The following TGS1 variants were observed in gnomAD, a reference collection of about 807,000 sequenced individuals.
TGS1 encodes trimethylguanosine synthase.
A neutral mutation model predicts 92.2 loss-of-function variants in TGS1; 69 were observed. That is an observed-to-expected ratio of 0.75 (90% CI 0.62 to 0.91). TGS1 has a LOEUF of 0.91. Among genes scored for constraint, TGS1 ranks in the 40% least tolerant of loss-of-function variants. The pLI is 0.00. For synonymous variants in TGS1, 345 were observed against 338.1 expected (o/e 1.02, Z -0.22); for missense variants, 1,062 against 1,001.2 (o/e 1.06, Z -0.82).
In TGS1 at chr8:55,782,747, G is replaced by A. The variant is rs752766496; in HGVS notation, c.102-1G>A. The A allele has an allele frequency of 6.2e-7, 1 of 1,609,024 alleles. No homozygotes were observed. On this transcript the variant is annotated splice_acceptor_variant, in intron 1 of 12. Transcript: ENST00000260129. LOFTEE classifies it high-confidence loss of function. ...TATGAACTGCTTAATCTGCTTCGCA[G>A]GGATCGAAAATTGTACAATTTGGGA...
intron 2 of TGS1, among the ~76,000 whole-genome samples, chr8:55,783,199 A>C (rs1382169947): frequency 1.3e-5 from 2 of 152,190 alleles, no homozygotes; most frequent in African/African-American, 4.8e-5. Context: ...CAAGCAGATC[A>C]CTTGAGGTCA....
rs527607576 is a variant in TGS1 at position 55,785,273 on chromosome 8, C to G, written c.167-446C>G. Among the ~76,000 whole-genome samples, 29 of 152,170 alleles carry G rather than the reference C, an allele frequency of 1.9e-4. No individual in the cohort carries two copies. The South Asian group carries it at 6.0e-3, about 32-fold the overall frequency. On this transcript the variant is annotated intron_variant, in intron 2 of 12. Coordinates refer to ENST00000260129, the MANE Select transcript of TGS1 (RefSeq NM_024831.8). Reference sequence around the variant, plus strand: ...TTTTCACCATGTTGGCCAGGCTGGTCTCAAACTCCTGACCTCAAGTGATCC... The same window carrying G: ...TTTTCACCATGTTGGCCAGGCTGGTGTCAAACTCCTGACCTCAAGTGATCC...
Position 55,785,818 on chromosome 8 carries a change from C to G in TGS1, c.266C>G (p.Ser89Cys), listed in dbSNP as rs1004887843. Residue 89 changes from serine (S) to cysteine (C), a missense_variant, in exon 3 of 13, where the codon TCT becomes TGT. Ser to Cys is a moderately radical substitution (Grantham distance 112, BLOSUM62 -1). Coordinates refer to ENST00000260129, the MANE Select transcript of TGS1 (RefSeq NM_024831.8). ...GIGLDESELD[S>C]EAELMRSMGL... ...GGCCTGGATGAAAGTGAACTTGATT[C>G]TGAGGCTGAACTCATGAGAAGTATG... 2.5e-6 allele frequency: 4 copies of G among 1,613,862 alleles called. No individual in the cohort carries two copies. Among genetic ancestry groups the G allele is most frequent in the African/African-American group, 2.7e-5 (2 of 74,908 alleles).
intron 10 of TGS1, among the ~76,000 whole-genome samples, chr8:55,808,602 G>T (rs920366295): frequency 6.6e-6 from 1 of 151,060 alleles, no homozygotes; most frequent in Admixed American, 6.6e-5. Context: ...TTCACCTCCT[G>T]GGTTCAAGTG....
chr8:55,779,297 A>G (rs1811489174), intron 1 of TGS1, among the ~76,000 whole-genome samples: 2 of 152,370 alleles, frequency 1.3e-5, no homozygotes, highest in South Asian at 2.1e-4. Flanking sequence ...AACAGTTTTC[A>G]TAAAAATATA....
rs148390407 is a variant in TGS1, at chr8:55,810,949, G to A, written c.2212G>A (p.Ala738Thr). 9.9e-6 allele frequency: 16 copies of A among 1,614,064 alleles called. No individual in the cohort carries two copies. The highest frequency in any genetic ancestry group is 1.4e-5 in the Non-Finnish European group (16 of 1,180,048). ...CAATAATGCAGAAGTTTATGGGATA[G>A]CAGATAAGATAGAGTTCATCTGTGG... is the stretch of plus-strand genomic sequence containing the variant. ...ARNNAEVYGI[A>T]DKIEFICGDF... The change falls in exon 11 of 13, where the codon GCA becomes ACA. Residue 738 changes from alanine to threonine, a missense_variant. Physicochemically the swap from Ala to Thr is moderately conservative, Grantham distance 58 (BLOSUM62 0). Transcript: ENST00000260129.
chr8:55,815,158 T>A (rs771867885), intron 12 of TGS1, among the ~76,000 whole-genome samples: 2 of 152,226 alleles, frequency 1.3e-5, no homozygotes, highest in Admixed American at 6.5e-5. Context: ...CTAGTTACAT[T>A]AACACTTTCA....
At chr8:55,811,669 G>A (rs1181849819) in intron 11 of TGS1, among the ~76,000 whole-genome samples, 2 of 151,974 alleles carry the variant, frequency 1.3e-5, no homozygotes, top group African/African-American at 4.8e-5. Flanking sequence ...GCTGAGGCAG[G>A]AGAATCGCTT....
At chr8:55,820,793 G>A (rs1487292485) in intron 12 of TGS1, among the ~76,000 whole-genome samples, 1 of 152,162 alleles carries the variant, frequency 6.6e-6, no homozygotes, top group Non-Finnish European at 1.5e-5. Context: ...AATGTGGAAA[G>A]TAATCCAGAG....
In TGS1 at chr8:55,799,044, A is replaced by G; in HGVS notation, c.1673A>G (p.Lys558Arg). The change falls in exon 8 of 13, where the codon AAA (lysine) becomes AGA (arginine). Residue 558 changes from lysine (K) to arginine (R), a missense_variant. Lys to Arg is a conservative substitution (Grantham distance 26). Transcript: ENST00000260129. ...GAGGAACAAGACATGTCTGTTAAAA[A>G]AGGTGATGACCTACTGGAGACTAAT... ...DSEEQDMSVK[K>R]GDDLLETNNP... 2.5e-6 allele frequency: 4 copies of G among 1,614,208 alleles called. No individual in the cohort carries two copies. Among genetic ancestry groups the G allele is most frequent in the Non-Finnish European group, 3.4e-6 (4 of 1,180,040 alleles).
chr8:55,824,489 G>A, intron 12 of TGS1, 92 bp from the exon 13 acceptor site: 1 of 1,530,318 alleles, frequency 6.5e-7, no homozygotes, highest in Non-Finnish European at 8.9e-7. Flanking sequence ...AAAAGCCAGA[G>A]TCTTCCTATT....
chr8:55,820,153 GTAATTATTATCTA>G (rs1224152647), intron 12 of TGS1, among the ~76,000 whole-genome samples: 6 of 152,166 alleles, frequency 3.9e-5, no homozygotes, highest in Non-Finnish European at 8.8e-5. Context: ...TCTGTCATTA[GTAATTATTATCTA>G]TTCTTCCAGT....
chr8:55,804,837 G>T lies in TGS1; in HGVS notation c.2000-56G>T, dbSNP rs114878401. 4,414 of 1,524,878 alleles carry T rather than the reference G, an allele frequency of 2.9e-3. 91 individuals are homozygous for T. In the African/African-American group the frequency reaches 0.054, roughly 19 times the overall value. 94.5% of individuals were successfully genotyped at this position (1,524,878 alleles called of 1,614,324 possible). ...ATATAGTAATGTTTGCTATGTTTAT[G>T]CTTGCCTTGGCTTCTTGAAATTGAA... On this transcript the variant is annotated intron_variant, in intron 9 of 12. Transcript: ENST00000260129.
intron 11 of TGS1, among the ~76,000 whole-genome samples, chr8:55,812,495 C>CAAAAAA: frequency 1.0e-5 from 1 of 98,328 alleles, no homozygotes; most frequent in South Asian, 3.5e-4. Flanking sequence ...GACTCTGTCT[C>CAAAAAA]AAAAAAAAAA....
At chr8:55,808,831 G>GCC (rs1803262363) in intron 10 of TGS1, among the ~76,000 whole-genome samples, 1 of 151,950 alleles carries the variant, frequency 6.6e-6, no homozygotes, top group South Asian at 2.1e-4. Flanking sequence ...CCCATAATTT[G>GCC]CCCCCCAAAC....
At position 55,782,765 on chromosome 8, in the gene TGS1, A is replaced by G. The variant is rs750980304; in HGVS notation, c.119A>G (p.Asn40Ser). ...RAFVEDRKLY[N>S]LGLKGYYIRD... ...CTTCGCAGGGATCGAAAATTGTACA[A>G]TTTGGGATTAAAAGGCTATTACATC... The change falls in exon 2 of 13, where the codon AAT (asparagine) becomes AGT (serine). Residue 40 changes from asparagine to serine, a missense_variant. Coordinates refer to ENST00000260129, the MANE Select transcript of TGS1 (RefSeq NM_024831.8). The G allele has an allele frequency of 1.2e-6, 2 of 1,611,072 alleles. No homozygotes were observed. Among genetic ancestry groups the G allele is most frequent in the South Asian group, 1.1e-5 (1 of 90,072 alleles).
chr8:55,773,515 C>G lies in TGS1; in HGVS notation c.-104C>G. ...GCGGGCCAGTTTCTATCTCCTCATC[C>G]AGGGCTTGCGGGCGAGGCCTGTTTT... is the stretch of plus-strand genomic sequence containing the variant. On this transcript the variant is annotated 5_prime_UTR_variant, in exon 1 of 13. Coordinates refer to ENST00000260129, the MANE Select transcript of TGS1 (RefSeq NM_024831.8). The G allele has an allele frequency of 1.2e-6, 1 of 809,168 alleles. No individual in the cohort carries two copies. The allele number at this position is 809,168 out of a possible 1,614,324, so 50.1% of individuals were successfully genotyped here.
intron 1 of TGS1, among the ~76,000 whole-genome samples, chr8:55,780,126 G>C (rs1811521621): frequency 6.7e-6 from 1 of 149,594 alleles, no homozygotes; most frequent in African/African-American, 2.5e-5. Flanking sequence ...CAAAGTGCTA[G>C]GATTATAGGC....
rs1811693880 is a variant in TGS1 at position 55,785,846 on chromosome 8, A to G, written c.294A>G (p.Gly98=). The G allele has an allele frequency of 6.2e-7, 1 of 1,613,500 alleles. No individual in the cohort carries two copies. Among genetic ancestry groups the G allele is most frequent in the South Asian group, 1.1e-5 (1 of 90,934 alleles). Residue 98 remains glycine, a synonymous_variant, in exon 3 of 13, where the codon GGA becomes GGG. Transcript: ENST00000260129. Reference sequence around the variant, plus strand: ...AGGCTGAACTCATGAGAAGTATGGGATTGCCACTTCAATTTGGTAGGATAA... The same window carrying G: ...AGGCTGAACTCATGAGAAGTATGGGGTTGCCACTTCAATTTGGTAGGATAA... ...DSEAELMRSM[G]LPLQFGRITA...
Sources: allele counts gnomAD v4.1 joint callset (sites outside exome capture counted in the v4.1 genomes callset), GRCh38; gene constraint gnomAD v4.1.1; transcripts MANE v1.5; gene names NCBI Gene and HGNC (gene_info 2026-07-23, HGNC 2026-07-21).